Variants in R3HCC1L observed in about 807,000 individuals in gnomAD.
R3HCC1L encodes R3H domain and coiled-coil containing 1 like.
In R3HCC1L, 51 loss-of-function variants were observed where a neutral mutation model predicts 59.9. The observed-to-expected ratio is 0.85, with a 90% confidence interval of 0.68 to 1.07. The LOEUF is 1.07. Among genes scored for constraint, R3HCC1L ranks in the 50% least tolerant of loss-of-function variants. R3HCC1L has a pLI of 0.00. For missense variants in R3HCC1L, 965 were observed against 933.0 expected (o/e 1.03, Z -0.45); for synonymous variants, 322 against 315.2 (o/e 1.02, Z -0.23).
intron 5 of R3HCC1L, among the ~76,000 whole-genome samples, chr10:98,228,990 TGTA>T (rs1323313022): frequency 2.0e-5 from 3 of 152,278 alleles, no homozygotes; most frequent in African/African-American, 7.2e-5. Flanking sequence ...ACTGTAGCCT[TGTA>T]GTATAGTTTG....
chr10:98,206,403 A>G (rs79615106), intron 4 of R3HCC1L, among the ~76,000 whole-genome samples: 2,521 of 150,520 alleles, frequency 0.017, 41 homozygotes, highest in Non-Finnish European at 0.025. Flanking sequence ...TCAGCACAGC[A>G]TTTCAGATTA....
intron 2 of R3HCC1L, among the ~76,000 whole-genome samples, chr10:98,160,828 C>T (rs1411193344): frequency 1.3e-5 from 2 of 152,160 alleles, no homozygotes; most frequent in African/African-American, 4.8e-5. Flanking sequence ...CTCATGATTC[C>T]ACCAGTTATC....
chr10:98,176,705 C>A (rs906275040), intron 4 of R3HCC1L, among the ~76,000 whole-genome samples: 1 of 152,002 alleles, frequency 6.6e-6, no homozygotes, highest in Non-Finnish European at 1.5e-5. Flanking sequence ...TTTTTTTCTG[C>A]CTTGCTGCAC....
intron 5 of R3HCC1L, among the ~76,000 whole-genome samples, chr10:98,217,177 C>T (rs189878230): frequency 1.2e-3 from 179 of 152,204 alleles, no homozygotes; most frequent in African/African-American, 4.0e-3. Context: ...GTCATTAATT[C>T]ATTTTGAGTT....
chr10:98,243,427 G>C (rs1857754887), intron 9 of R3HCC1L, among the ~76,000 whole-genome samples: 1 of 152,216 alleles, frequency 6.6e-6, no homozygotes, highest in Non-Finnish European at 1.5e-5. Context: ...AGACCTTGGT[G>C]AAAGTGTTAT....
chr10:98,195,355 G>A (rs927972727), intron 4 of R3HCC1L, among the ~76,000 whole-genome samples: 1 of 151,980 alleles, frequency 6.6e-6, no homozygotes, highest in African/African-American at 2.4e-5. Context: ...TGTCAGATGA[G>A]AAAGTTTAGT....
chr10:98,151,055 C>T (rs1429870121), intron 1 of R3HCC1L, among the ~76,000 whole-genome samples: 1 of 152,164 alleles, frequency 6.6e-6, no homozygotes, highest in Non-Finnish European at 1.5e-5. Flanking sequence ...GTTTTCCTTT[C>T]CTGCTTAGAT....
intron 4 of R3HCC1L, among the ~76,000 whole-genome samples, chr10:98,165,721 G>A (rs1847880353): frequency 6.6e-6 from 1 of 152,228 alleles, no homozygotes; most frequent in Non-Finnish European, 1.5e-5. Context: ...ACCTTTGGCT[G>A]TAGCCAGACT....
intron 4 of R3HCC1L, among the ~76,000 whole-genome samples, chr10:98,206,301 C>A (rs1387592077): frequency 1.2e-4 from 18 of 148,858 alleles, no homozygotes; most frequent in Admixed American, 1.1e-3. Context: ...ACAGAAGTCA[C>A]GTCTTCTGTC....
At chr10:98,196,741 A>G (rs1851474432) in intron 4 of R3HCC1L, among the ~76,000 whole-genome samples, 1 of 151,860 alleles carries the variant, frequency 6.6e-6, no homozygotes, top group African/African-American at 2.4e-5. Context: ...CCTTCCTTCT[A>G]CTCTTGTCCC....
chr10:98,157,977 G>T (rs117023789), intron 2 of R3HCC1L, among the ~76,000 whole-genome samples: 2,222 of 152,302 alleles, frequency 0.015, 16 homozygotes, highest in Middle Eastern at 0.027. Context: ...TACAGAAAAG[G>T]AATAGTTATA....
At chr10:98,242,483 G>A (rs1857640772) in intron 9 of R3HCC1L, among the ~76,000 whole-genome samples, 1 of 152,156 alleles carries the variant, frequency 6.6e-6, no homozygotes, top group Admixed American at 6.5e-5. Context: ...AATGGGATAT[G>A]TAAAGACTAT....
At chr10:98,221,199 G>A (rs1218986133) in intron 5 of R3HCC1L, among the ~76,000 whole-genome samples, 30 of 151,812 alleles carry the variant, frequency 2.0e-4, no homozygotes, top group South Asian at 6.2e-4. Context: ...GTCTGTTCAT[G>A]TCCTTCGCCC....
At chr10:98,140,826 T>G (rs1845064925) in intron 1 of R3HCC1L, among the ~76,000 whole-genome samples, 1 of 151,310 alleles carries the variant, frequency 6.6e-6, no homozygotes. Flanking sequence ...TGTTAACTAC[T>G]TACGTGACCT....
chr10:98,240,578 G>A (rs1219199015), intron 9 of R3HCC1L, among the ~76,000 whole-genome samples: 3 of 152,198 alleles, frequency 2.0e-5, no homozygotes, highest in African/African-American at 4.8e-5. Flanking sequence ...ACAGTAGCCC[G>A]CTCACCTAGT....
intron 4 of R3HCC1L, among the ~76,000 whole-genome samples, chr10:98,182,452 C>T (rs1390203258): frequency 6.6e-6 from 1 of 152,104 alleles, no homozygotes; most frequent in Admixed American, 6.5e-5. Flanking sequence ...GTCAGTCGGC[C>T]CCTCCTGGGA....
intron 4 of R3HCC1L, among the ~76,000 whole-genome samples, chr10:98,202,589 C>A (rs537171666): frequency 6.6e-6 from 1 of 152,258 alleles, no homozygotes; most frequent in South Asian, 2.1e-4. Flanking sequence ...CGCGGTGGCT[C>A]ACGCTTGTAA....
At position 98,135,516 on chromosome 10, in the gene R3HCC1L, C is replaced by G. The variant is rs188414937; in HGVS notation, c.-268+810C>G. ...TGTTTCGGGTATAACCTTGCCATCC[C>G]CCAGTCTCCAGTCTAGGTCAGTTGA... On this transcript the variant is annotated intron_variant, in intron 1 of 9. Coordinates refer to ENST00000298999, the MANE Select transcript of R3HCC1L (RefSeq NM_001351015.2). Among the ~76,000 whole-genome samples the G allele has an allele frequency of 1.1e-3, 170 of 152,302 alleles. 1 individual carries two copies. Among genetic ancestry groups the G allele is most frequent in the African/African-American group, 4.0e-3 (167 of 41,564 alleles).
intron 5 of R3HCC1L, among the ~76,000 whole-genome samples, chr10:98,225,647 T>A (rs1053555076): frequency 8.5e-5 from 13 of 152,196 alleles, no homozygotes; most frequent in Admixed American, 8.5e-4. Flanking sequence ...CTTTGTTTGT[T>A]TCATGAAATG....
Sources: gnomAD v4.1 joint callset for allele counts (sites outside exome capture counted in the v4.1 genomes callset) on GRCh38, gnomAD v4.1.1 for gene constraint, MANE v1.5 for transcripts, NCBI Gene and HGNC (gene_info 2026-07-23, HGNC 2026-07-21) for gene names.